The following SIM1 variants were observed in gnomAD, a reference collection of about 807,000 sequenced individuals.
SIM1 encodes single-minded homolog 1.
SIM1 carries 18 observed loss-of-function variants against 78.2 expected under a neutral mutation model. The observed-to-expected ratio is 0.23, with a 90% CI of 0.16 to 0.34. SIM1 has a LOEUF of 0.34. SIM1 is among the 10% of genes least tolerant of loss of function. The pLI is 1.00. For synonymous variants in SIM1, 417 were observed against 385.2 expected, an observed-to-expected ratio of 1.08 and a Z score of -0.97; for missense variants, 939 against 975.1, an observed-to-expected ratio of 0.96 and a Z score of 0.49.
chr6:100,454,225 G>C (rs140760692), intron 2 of SIM1, among the ~76,000 whole-genome samples: 2 of 152,122 alleles, frequency 1.3e-5, no homozygotes, highest in African/African-American at 2.4e-5. Context: ...ATCGTCATCC[G>C]TTTCCCGAGG....
In SIM1 at chr6:100,420,854, C is replaced by G. The variant is rs780641065; in HGVS notation, c.1103G>C (p.Arg368Thr). The G allele has an allele frequency of 1.2e-6, 2 of 1,614,034 alleles. No individual in the cohort carries two copies. The highest frequency in any genetic ancestry group is 1.7e-6 in the Non-Finnish European group (2 of 1,179,998). The change falls in exon 10 of 12, where the codon AGA (arginine) becomes ACA (threonine). Residue 368 changes from arginine to threonine, a missense_variant. By Grantham distance (71) the Arg-to-Thr change is moderately conservative. Transcript: ENST00000369208. Reference protein sequence around the residue: ...SSSTPTMTDNRKGAKSRLSSS... With the variant: ...SSSTPTMTDNTKGAKSRLSSS... ...GGAGAGCCGGGATTTGGCCCCCTTT[C>G]TGTTGTCAGTCATGGTGGGGGTGGA...
chr6:100,464,503 G>T (rs1255003152), intron 1 of SIM1, 111 bp downstream of exon 1: 1 of 152,152 alleles, frequency 6.6e-6, no homozygotes, highest in Non-Finnish European at 1.5e-5. Flanking sequence ...GCGCGCTCGC[G>T]ACAGCCCCTC....
At chr6:100,398,792 G>A (rs546167074) in intron 10 of SIM1, among the ~76,000 whole-genome samples, 1 of 152,152 alleles carries the variant, frequency 6.6e-6, no homozygotes, top group African/African-American at 2.4e-5. Flanking sequence ...CCAGAAATGG[G>A]ATTGCTGCAT....
chr6:100,462,016 CTTGGAGCATGTTTTTCATGCTCCACTAAT>C lies in SIM1; in HGVS notation c.175+1249_175+1277del, dbSNP rs1174115734. On this transcript the variant is annotated intron_variant, in intron 2 of 11. Transcript: ENST00000369208. ...CTATAATTTGAAAGTTTTCCTTTAG[CTTGGAGCATGTTTTTCATGCTCCACTAAT>C]TTGGAGCATGTTTTGCAGGCTTTTT... Among the ~76,000 whole-genome samples, 20 of 152,044 alleles carry C rather than the reference CTTGGAGCATGTTTTTCATGCTCCACTAAT, an allele frequency of 1.3e-4. No homozygotes were observed. In the East Asian group the frequency reaches 2.1e-3, roughly 16 times the overall value.
intron 9 of SIM1, among the ~76,000 whole-genome samples, chr6:100,428,155 A>G (rs957575119): frequency 6.6e-6 from 1 of 152,168 alleles, no homozygotes; most frequent in Non-Finnish European, 1.5e-5. Context: ...AAAGCAAATC[A>G]TGTTTTCCTG....
In SIM1 at chr6:100,450,312, G is replaced by T. The variant is rs1295191138; in HGVS notation, c.303C>A (p.Ile101=). ...CTGAGGCTGTCTCTGAGATGTACAT[G>T]ATCTTCCCATCTGGGGCTACCACGA... is the stretch of plus-strand genomic sequence containing the variant. The part of the protein sequence containing the change: ...FIFVVAPDGK[I]MYISETASVH... Residue 101 remains isoleucine, a synonymous_variant, in exon 4 of 12, where the codon ATC becomes ATA. Coordinates refer to ENST00000369208, the MANE Select transcript of SIM1 (RefSeq NM_005068.3). The T allele has an allele frequency of 6.2e-7, 1 of 1,614,144 alleles. No homozygotes were observed.
chr6:100,439,091 C>A (rs968347696), intron 9 of SIM1, among the ~76,000 whole-genome samples: 2 of 151,820 alleles, frequency 1.3e-5, no homozygotes, highest in African/African-American at 4.8e-5. Context: ...CCGTCTGTAC[C>A]CCCAAAACTA....
At position 100,452,865 on chromosome 6, in the gene SIM1, G is replaced by A. The variant is rs115648512; in HGVS notation, c.258+897C>T. ...CTAAAATCTTCTTGGTGTCTTGGAA[G>A]GAGAAAGGTATAGGGTAGTGGTAGG... is the stretch of plus-strand genomic sequence containing the variant. On this transcript the variant is annotated intron_variant, in intron 3 of 11. Transcript: ENST00000369208. 6.8e-3 allele frequency among the ~76,000 whole-genome samples: 1,029 copies of A among 152,258 alleles called. 18 individuals are homozygous for A. The highest frequency in any genetic ancestry group is 0.023 in the African/African-American group (972 of 41,510).
intron 9 of SIM1, among the ~76,000 whole-genome samples, chr6:100,439,506 T>G (rs1772150426): frequency 6.6e-6 from 1 of 152,150 alleles, no homozygotes; most frequent in African/African-American, 2.4e-5. Flanking sequence ...AATTGTCAAC[T>G]GCTTGATAAA....
At chr6:100,429,009 G>A (rs1318284593) in intron 9 of SIM1, among the ~76,000 whole-genome samples, 1 of 152,074 alleles carries the variant, frequency 6.6e-6, no homozygotes, top group East Asian at 1.9e-4. Context: ...GTGGATAAGG[G>A]GGGACTATGG....
intron 9 of SIM1, among the ~76,000 whole-genome samples, chr6:100,445,847 G>A (rs533198825): frequency 6.6e-6 from 1 of 152,138 alleles, no homozygotes; most frequent in South Asian, 2.1e-4. Flanking sequence ...ACTGTTTCAC[G>A]GAGGGGGCTA....
intron 9 of SIM1, among the ~76,000 whole-genome samples, chr6:100,426,802 T>C (rs1362449294): frequency 1.3e-5 from 2 of 152,230 alleles, no homozygotes; most frequent in East Asian, 3.9e-4. Flanking sequence ...GCTTCTGTCA[T>C]GTCAATTTGG....
intron 10 of SIM1, among the ~76,000 whole-genome samples, chr6:100,398,699 A>G (rs555803481): frequency 3.9e-5 from 6 of 152,126 alleles, no homozygotes; most frequent in Non-Finnish European, 7.4e-5. Context: ...GGTTGCTTCT[A>G]CCTTTTGACT....
chr6:100,450,696 T>TCTCTCTCACACA (rs1421452803), intron 3 of SIM1, among the ~76,000 whole-genome samples: 919 of 91,898 alleles, frequency 0.01, 10 homozygotes, highest in East Asian at 0.069. Context: ...TCTCTCTCTC[T>TCTCTCTCACACA]CACACACACA....
rs566075472 is a variant in SIM1, at chr6:100,420,856, G to T, written c.1101C>A (p.Asn367Lys). ...TSSSTPTMTD[N>K]RKGAKSRLSS... ...AGAGCCGGGATTTGGCCCCCTTTCTGTTGTCAGTCATGGTGGGGGTGGAGC... is the reference window on the plus strand; with the variant it reads ...AGAGCCGGGATTTGGCCCCCTTTCTTTTGTCAGTCATGGTGGGGGTGGAGC... Residue 367 changes from asparagine (N) to lysine (K), a missense_variant, in exon 10 of 12, where the codon AAC (asparagine) becomes AAA (lysine). Asn to Lys is a moderately conservative substitution (Grantham distance 94, BLOSUM62 0). Around this residue, in one of 5 missense-constraint regions of SIM1, gnomAD observed 556 missense variants for 521.9 expected, o/e 1.07. Transcript: ENST00000369208. 1 of 1,614,088 alleles carries T rather than the reference G, an allele frequency of 6.2e-7. No homozygotes were observed. Among genetic ancestry groups the T allele is most frequent in the Non-Finnish European group, 8.5e-7 (1 of 1,180,002 alleles).
chr6:100,435,199 A>G (rs1251387907), intron 9 of SIM1, among the ~76,000 whole-genome samples: 1 of 152,206 alleles, frequency 6.6e-6, no homozygotes, highest in Admixed American at 6.5e-5. Context: ...TAAAAAAGAG[A>G]GTAAACTGTC....
chr6:100,436,740 G>GTTTTTTTTT (rs1405680369), intron 9 of SIM1, among the ~76,000 whole-genome samples: 1 of 133,284 alleles, frequency 7.5e-6, no homozygotes, highest in Non-Finnish European at 1.6e-5. Flanking sequence ...TTTGTTTTTG[G>GTTTTTTTTT]TATTTTTTTT....
At chr6:100,448,791 C>T in intron 6 of SIM1, 113 bp from the exon 7 acceptor site, 1 of 918,338 alleles carries the variant, frequency 1.1e-6, no homozygotes, top group Non-Finnish European at 1.6e-6. Context: ...GCAGTGCTGA[C>T]CACGCCCGTG....
intron 9 of SIM1, among the ~76,000 whole-genome samples, chr6:100,446,507 C>T (rs1582315235): frequency 1.3e-5 from 2 of 152,222 alleles, no homozygotes; most frequent in African/African-American, 2.4e-5. Flanking sequence ...GTACAGAACA[C>T]GCTTTCTTCA....
Sources: gnomAD v4.1 joint callset for allele counts (sites outside exome capture counted in the v4.1 genomes callset) on GRCh38, gnomAD v4.1.1 for gene constraint, gnomAD v4.1.1 regional missense constraint, MANE v1.5 for transcripts, NCBI Gene and HGNC (gene_info 2026-07-23, HGNC 2026-07-21) for gene names.